The following ANKS1B variants were observed in gnomAD, a reference collection of about 807,000 sequenced individuals.
ANKS1B encodes the protein ankyrin repeat and sterile alpha motif domain containing 1B.
Under a neutral mutation model 148.3 loss-of-function variants are expected in ANKS1B, and 36 were observed. The observed-to-expected ratio is 0.24, with a 90% CI of 0.19 to 0.32. The LOEUF is 0.32. Ranked by LOEUF, ANKS1B falls within the 10% of genes least tolerant of loss-of-function variation. The pLI, the probability that ANKS1B is intolerant of heterozygous loss-of-function variation, is 1.00. For synonymous variants in ANKS1B, 542 were observed against 560.8 expected, an observed-to-expected ratio of 0.97 and a Z score of 0.47; for missense variants, 1,157 against 1,542.6, an observed-to-expected ratio of 0.75 and a Z score of 4.19.
At chr12:98,764,257 C>T (rs1329734288) in intron 25 of ANKS1B, among the ~76,000 whole-genome samples, 1 of 152,150 alleles carries the variant, frequency 6.6e-6, no homozygotes, top group Admixed American at 6.5e-5. Flanking sequence ...GACAGGGTCT[C>T]ACTGTGTTAC....
At chr12:99,937,135 GC>G (rs2153813141) in intron 1 of ANKS1B, among the ~76,000 whole-genome samples, 1 of 152,252 alleles carries the variant, frequency 6.6e-6, no homozygotes, top group Admixed American at 6.5e-5. Flanking sequence ...CTCTCTGAGT[GC>G]CCCAGGGGCA....
At chr12:99,870,126 T>C (rs191477014) in intron 1 of ANKS1B, among the ~76,000 whole-genome samples, 91 of 152,290 alleles carry the variant, frequency 6.0e-4, no homozygotes, top group Non-Finnish European at 1.2e-3. Context: ...CCAGTTTCTA[T>C]TGTTGCAATC....
At chr12:99,029,292 C>CA in intron 17 of ANKS1B, among the ~76,000 whole-genome samples, 1 of 152,220 alleles carries the variant, frequency 6.6e-6, no homozygotes, top group South Asian at 2.1e-4. Flanking sequence ...ACAGATTTTA[C>CA]AAAACAGAGA....
intron 10 of ANKS1B, among the ~76,000 whole-genome samples, chr12:99,502,988 G>A (rs1567225070): frequency 6.6e-6 from 1 of 152,222 alleles, no homozygotes; most frequent in Admixed American, 6.5e-5. Context: ...CCAGGCTGCA[G>A]TGCAGTGGTG....
At chr12:99,742,202 A>G (rs1194247826) in intron 8 of ANKS1B, among the ~76,000 whole-genome samples, 1 of 152,036 alleles carries the variant, frequency 6.6e-6, no homozygotes, top group African/African-American at 2.4e-5. Context: ...AACCCCCATG[A>G]CATAAGTTTA....
chr12:99,297,938 G>T, intron 12 of ANKS1B, among the ~76,000 whole-genome samples: 1 of 151,144 alleles, frequency 6.6e-6, no homozygotes. Flanking sequence ...ATTAATCCAC[G>T]TTTTTATAAT....
chr12:99,906,169 G>C (rs2093773645), intron 1 of ANKS1B, among the ~76,000 whole-genome samples: 1 of 152,172 alleles, frequency 6.6e-6, no homozygotes, highest in Non-Finnish European at 1.5e-5. Context: ...TATGTTTGCA[G>C]CCTGGAACAA....
intron 17 of ANKS1B, among the ~76,000 whole-genome samples, chr12:98,927,460 A>G (rs2099809731): frequency 6.6e-6 from 1 of 152,112 alleles, no homozygotes; most frequent in African/African-American, 2.4e-5. Flanking sequence ...GACAATATAA[A>G]CACATTTTTG....
intron 9 of ANKS1B, among the ~76,000 whole-genome samples, chr12:99,562,263 A>G (rs1042508725): frequency 3.3e-5 from 5 of 152,180 alleles, no homozygotes; most frequent in Non-Finnish European, 5.9e-5. Flanking sequence ...TCAATTTTGC[A>G]TAGTTCTTAA....
At position 99,059,171 on chromosome 12, in the gene ANKS1B, T is replaced by C. The variant is rs866249378; in HGVS notation, c.2626-5862A>G. 2.0e-5 allele frequency among the ~76,000 whole-genome samples: 3 copies of C among 152,310 alleles called. 1 individual carries two copies. The highest frequency in any genetic ancestry group is 6.8e-3 in the Middle Eastern group (2 of 294). On this transcript the variant is annotated intron_variant, in intron 16 of 26. Coordinates refer to ENST00000683438, the MANE Select transcript of ANKS1B (RefSeq NM_001352186.2). ...TAGTATTTTCCATAGAGTTCTATTA[T>C]AGTATTATTAAAGTCTGCTTTCAAT...
At chr12:99,836,312 G>C (rs1167944429) in intron 1 of ANKS1B, among the ~76,000 whole-genome samples, 1 of 151,778 alleles carries the variant, frequency 6.6e-6, no homozygotes, top group African/African-American at 2.4e-5. Flanking sequence ...ATTTCTTAAA[G>C]ATATCTTGCC....
chr12:99,332,288 A>T (rs2087718752), intron 12 of ANKS1B, among the ~76,000 whole-genome samples: 1 of 152,064 alleles, frequency 6.6e-6, no homozygotes, highest in African/African-American at 2.4e-5. Context: ...GATCTACAAC[A>T]TATACGATGT....
intron 12 of ANKS1B, among the ~76,000 whole-genome samples, chr12:99,379,531 C>T (rs1295050187): frequency 6.6e-6 from 1 of 152,144 alleles, no homozygotes; most frequent in Non-Finnish European, 1.5e-5. Context: ...ATCTAATTGA[C>T]AATGATGACT....
At chr12:99,049,351 A>T (rs931798969) in intron 17 of ANKS1B, among the ~76,000 whole-genome samples, 1 of 152,082 alleles carries the variant, frequency 6.6e-6, no homozygotes, top group Admixed American at 6.5e-5. Flanking sequence ...ATGCAAAAAA[A>T]AAATTAGGAA....
At chr12:99,472,768 C>T (rs549317897) in intron 10 of ANKS1B, among the ~76,000 whole-genome samples, 1 of 152,108 alleles carries the variant, frequency 6.6e-6, no homozygotes, top group East Asian at 1.9e-4. Flanking sequence ...GAGTTTCATG[C>T]AGCATTTAAG....
intron 9 of ANKS1B, among the ~76,000 whole-genome samples, chr12:99,613,238 T>C (rs1408768589): frequency 6.6e-6 from 1 of 152,134 alleles, no homozygotes; most frequent in Non-Finnish European, 1.5e-5. Context: ...GAAATGCTTA[T>C]ACCAACGCTG....
At chr12:99,864,984 G>A (rs1176646648) in intron 1 of ANKS1B, among the ~76,000 whole-genome samples, 2 of 152,162 alleles carry the variant, frequency 1.3e-5, no homozygotes, top group South Asian at 2.1e-4. Flanking sequence ...GCCTCGTAAC[G>A]TTTGCCTAGT....
chr12:99,033,949 T>C (rs908885004), intron 17 of ANKS1B, among the ~76,000 whole-genome samples: 3 of 152,220 alleles, frequency 2.0e-5, no homozygotes, highest in Non-Finnish European at 2.9e-5. Context: ...CCTGGAGAAG[T>C]GCTGAGGACT....
chr12:99,490,707 T>G (rs1595794361), intron 10 of ANKS1B, among the ~76,000 whole-genome samples: 1 of 152,304 alleles, frequency 6.6e-6, no homozygotes, highest in Non-Finnish European at 1.5e-5. Flanking sequence ...TTGTTACTTT[T>G]TAAACATACA....
Sources: allele counts gnomAD v4.1 joint callset (sites outside exome capture counted in the v4.1 genomes callset), GRCh38; gene constraint gnomAD v4.1.1; transcripts MANE v1.5; gene names NCBI Gene and HGNC (gene_info 2026-07-23, HGNC 2026-07-21).